PRIM2: variants seen among roughly 807,000 people sequenced by gnomAD.
PRIM2 encodes the protein DNA primase large subunit.
In PRIM2, 39 loss-of-function variants were observed where a neutral mutation model predicts 67.3. The ratio of observed to expected loss-of-function variants is 0.58; its 90% CI spans 0.45 to 0.76. The LOEUF is 0.76. PRIM2 is among the 30% of genes least tolerant of loss of function. The pLI is 0.00. For missense variants in PRIM2, 398 were observed against 598.7 expected, an observed-to-expected ratio of 0.66 and a Z score of 3.50; for synonymous variants, 143 against 198.7, an observed-to-expected ratio of 0.72 and a Z score of 2.36.
chr6:57,390,517 C>T (rs1263718569), intron 7 of PRIM2, among the ~76,000 whole-genome samples: 2 of 151,978 alleles, frequency 1.3e-5, no homozygotes, highest in Non-Finnish European at 2.9e-5. Flanking sequence ...CAATAGTTAC[C>T]TTTTCTGCTC....
At chr6:57,622,460 T>C (rs1228013232) in intron 12 of PRIM2, among the ~76,000 whole-genome samples, 2 of 152,184 alleles carry the variant, frequency 1.3e-5, no homozygotes, top group Non-Finnish European at 2.9e-5. Context: ...GTGTTAGACC[T>C]ATTACAACCA....
In PRIM2 at chr6:57,326,213, C is replaced by T. The variant is rs1055830082; in HGVS notation, c.459+168C>T. ...ACAATATATCTTTCCTTCTCTATGA[C>T]TAGAAGAAAAGGACTCCTTAATAAC... On this transcript the variant is annotated intron_variant, in intron 5 of 13. Transcript: ENST00000615550. 2.6e-5 allele frequency: 15 copies of T among 579,200 alleles called. 1 individual carries two copies. The highest frequency in any genetic ancestry group is 3.6e-5 in the Non-Finnish European group (14 of 390,870). 35.9% of individuals were successfully genotyped at this position (579,200 alleles called of 1,614,324 possible).
intron 8 of PRIM2, among the ~76,000 whole-genome samples, chr6:57,523,034 G>T (rs1370927812): frequency 6.6e-6 from 1 of 152,108 alleles, no homozygotes. Context: ...AAGAAGGTTG[G>T]AAGGAAATTA....
Position 57,635,851 on chromosome 6 carries a change from C to G in PRIM2, c.1299+3650C>G, listed in dbSNP as rs1182196946. The stretch of plus-strand genomic sequence containing the variant: ...ATGCCCCATTCCAATTCTTTCTCCT[C>G]CACACAGCTGCTGGAGTGACCTTTA... On this transcript the variant is annotated intron_variant, in intron 13 of 13. Coordinates refer to ENST00000615550, the MANE Select transcript of PRIM2 (RefSeq NM_000947.5). Among the ~76,000 whole-genome samples, 6 of 152,314 alleles carry G rather than the reference C, an allele frequency of 3.9e-5. No individual in the cohort carries two copies. In the East Asian group the frequency reaches 1.2e-3, roughly 29 times the overall value.
At chr6:57,255,232 T>C in the PRIM2 span, among the ~76,000 whole-genome samples, 8 of 152,034 alleles carry the variant, frequency 5.3e-5, no homozygotes, top group Admixed American at 1.3e-4. Context: ...GGTGTGGTGG[T>C]GCACACCTGT....
At chr6:57,304,907 A>G in the PRIM2 span, among the ~76,000 whole-genome samples, 1 of 152,194 alleles carries the variant, frequency 6.6e-6, no homozygotes, top group African/African-American at 2.4e-5. Context: ...CCCCTAAGTG[A>G]TAGATTATAT....
chr6:57,335,201 G>T (rs1168094817), intron 5 of PRIM2, among the ~76,000 whole-genome samples: 1 of 140,892 alleles, frequency 7.1e-6, no homozygotes, highest in Admixed American at 7.0e-5. Flanking sequence ...CACCTGGCTC[G>T]GAGGGTCCTA....
intron 7 of PRIM2, among the ~76,000 whole-genome samples, chr6:57,453,627 T>C (rs1241449338): frequency 3.9e-5 from 6 of 152,320 alleles, no homozygotes; most frequent in Non-Finnish European, 7.3e-5. Flanking sequence ...GATTTTTGCA[T>C]GTTGATTTTG....
At chr6:57,295,261 T>C in the PRIM2 span, among the ~76,000 whole-genome samples, 1 of 152,216 alleles carries the variant, frequency 6.6e-6, no homozygotes, top group Non-Finnish European at 1.5e-5. Context: ...GCCAACAATT[T>C]TGATGCCAAT....
At chr6:57,437,353 A>G (rs1410938939) in intron 7 of PRIM2, among the ~76,000 whole-genome samples, 1 of 152,202 alleles carries the variant, frequency 6.6e-6, no homozygotes, top group Admixed American at 6.5e-5. Context: ...ATCCCTAGGT[A>G]TTCTATTTTG....
the PRIM2 span, among the ~76,000 whole-genome samples, chr6:57,287,405 T>C: frequency 1.3e-5 from 2 of 152,144 alleles, no homozygotes; most frequent in Non-Finnish European, 2.9e-5. Flanking sequence ...GTGGCACATA[T>C]ACACTATGGA....
chr6:57,262,932 A>G, the PRIM2 span, among the ~76,000 whole-genome samples: 2 of 152,112 alleles, frequency 1.3e-5, no homozygotes, highest in Non-Finnish European at 2.9e-5. Context: ...GCTAAACTAA[A>G]CATTTTATAC....
chr6:57,235,912 C>T, the PRIM2 span, among the ~76,000 whole-genome samples: 1 of 152,142 alleles, frequency 6.6e-6, no homozygotes, highest in African/African-American at 2.4e-5. Context: ...AAGTGGCCTC[C>T]AGAAGTTGGA....
chr6:57,341,798 T>C (rs1768501344), intron 5 of PRIM2, among the ~76,000 whole-genome samples: 1 of 152,160 alleles, frequency 6.6e-6, no homozygotes, highest in Non-Finnish European at 1.5e-5. Flanking sequence ...CTAAGTCAGG[T>C]GCTGCTGCAT....
Position 57,490,533 on chromosome 6 carries a change from C to G in PRIM2, c.694-16854C>G, listed in dbSNP as rs1357822898. 3.3e-5 allele frequency among the ~76,000 whole-genome samples: 5 copies of G among 151,906 alleles called. No homozygotes were observed. The South Asian group carries it at 8.3e-4, about 25-fold the overall frequency. On this transcript the variant is annotated intron_variant, in intron 7 of 13. Transcript: ENST00000615550. ...AAGCAGAATTATCGAACCGAGGGAT[C>G]AATAATTAAAAATAAACATAATAAA...
At chr6:57,371,402 T>C (rs911839026) in intron 5 of PRIM2, among the ~76,000 whole-genome samples, 24 of 152,248 alleles carry the variant, frequency 1.6e-4, no homozygotes, top group South Asian at 4.1e-4. Flanking sequence ...GGGATTTGTT[T>C]AGTTAGAACC....
At chr6:57,560,294 C>A (rs1184690412) in intron 10 of PRIM2, among the ~76,000 whole-genome samples, 6 of 150,646 alleles carry the variant, frequency 4.0e-5, no homozygotes, top group Admixed American at 1.3e-4. Context: ...CATGATGTTG[C>A]AGCAGTCAGC....
At chr6:57,562,803 G>A (rs1212079391) in intron 10 of PRIM2, among the ~76,000 whole-genome samples, 1 of 152,128 alleles carries the variant, frequency 6.6e-6, no homozygotes, top group African/African-American at 2.4e-5. Flanking sequence ...TCATACCGAT[G>A]CTCTCAGCAA....
At chr6:57,451,600 G>T (rs1772552176) in intron 7 of PRIM2, among the ~76,000 whole-genome samples, 1 of 152,056 alleles carries the variant, frequency 6.6e-6, no homozygotes, top group Non-Finnish European at 1.5e-5. Flanking sequence ...TAAAGAAAAG[G>T]AAAGAATTGT....
Sources: gnomAD v4.1 joint callset for allele counts (sites outside exome capture counted in the v4.1 genomes callset) on GRCh38, gnomAD v4.1.1 for gene constraint, MANE v1.5 for transcripts, NCBI Gene and HGNC (gene_info 2026-07-23, HGNC 2026-07-21) for gene names.